The following RFC3 variants were observed in gnomAD, a reference collection of about 807,000 sequenced individuals.
The protein encoded by RFC3 is replication factor C subunit 3, also known as A1 38 kDa subunit.
Under a neutral mutation model 45.1 loss-of-function variants are expected in RFC3, and 41 were observed. That is an observed-to-expected ratio of 0.91 (90% CI 0.71 to 1.18). RFC3 has a LOEUF of 1.18. Ranked by LOEUF, RFC3 falls within the 50% of genes most tolerant of loss-of-function variation. The pLI, the probability that RFC3 is intolerant of heterozygous loss-of-function variation, is 0.00. For synonymous variants in RFC3, 149 were observed against 144.0 expected, an observed-to-expected ratio of 1.03 and a Z score of -0.25; for missense variants, 423 against 428.1, an observed-to-expected ratio of 0.99 and a Z score of 0.10.
chr13:33,872,696 G>C (rs1036701530), intron 8 of RFC3, among the ~76,000 whole-genome samples: 2 of 151,370 alleles, frequency 1.3e-5, no homozygotes, highest in Non-Finnish European at 2.9e-5. Flanking sequence ...TGGCACCACT[G>C]TACTCCAGGC....
chr13:33,893,988 C>A (rs948742501), intron 8 of RFC3, among the ~76,000 whole-genome samples: 10 of 152,026 alleles, frequency 6.6e-5, no homozygotes, highest in Non-Finnish European at 8.8e-5. Context: ...AAACAAAAAA[C>A]CCCAACTTTC....
intron 1 of RFC3, among the ~76,000 whole-genome samples, chr13:33,819,220 C>G (rs1478807275): frequency 6.6e-6 from 1 of 152,134 alleles, no homozygotes; most frequent in Non-Finnish European, 1.5e-5. Flanking sequence ...AAGATCCTCT[C>G]CCCTCTATCC....
chr13:33,972,114 C>T, the RFC3 span, among the ~76,000 whole-genome samples: 2 of 152,094 alleles, frequency 1.3e-5, no homozygotes, highest in Non-Finnish European at 2.9e-5. Context: ...GGACTCTGTC[C>T]TCACTAATAA....
intron 4 of RFC3, among the ~76,000 whole-genome samples, chr13:33,827,792 C>G (rs1200695605): frequency 6.6e-6 from 1 of 152,146 alleles, no homozygotes; most frequent in Non-Finnish European, 1.5e-5. Context: ...TGAAATTTGG[C>G]CATGATCCTT....
At chr13:33,925,754 T>A (rs1056469655) in intron 8 of RFC3, among the ~76,000 whole-genome samples, 2 of 151,152 alleles carry the variant, frequency 1.3e-5, no homozygotes, top group Non-Finnish European at 3.0e-5. Context: ...AAATAGAAAA[T>A]GATGATGTGG....
intron 8 of RFC3, among the ~76,000 whole-genome samples, chr13:33,951,039 CTTTTTTTTTT>C (rs926664684): frequency 6.6e-5 from 4 of 60,818 alleles, no homozygotes; most frequent in Admixed American, 2.3e-4. Flanking sequence ...TCTGATGGCT[CTTTTTTTTTT>C]TTTTTTTTTT....
intron 8 of RFC3, among the ~76,000 whole-genome samples, chr13:33,863,140 A>G (rs1462666229): frequency 1.3e-5 from 2 of 152,224 alleles, no homozygotes; most frequent in Admixed American, 1.3e-4. Flanking sequence ...TTCCAGTCAT[A>G]AAGTGCCTTT....
chr13:33,822,540 G>T (rs557763251), intron 2 of RFC3, among the ~76,000 whole-genome samples: 1 of 152,204 alleles, frequency 6.6e-6, no homozygotes, highest in African/African-American at 2.4e-5. Flanking sequence ...TATTATATTG[G>T]CATGAAAATA....
chr13:33,880,256 A>G (rs1160053989), intron 8 of RFC3, among the ~76,000 whole-genome samples: 1 of 152,262 alleles, frequency 6.6e-6, no homozygotes, highest in African/African-American at 2.4e-5. Flanking sequence ...ATGTTTATAT[A>G]AAAGACAACA....
intron 8 of RFC3, among the ~76,000 whole-genome samples, chr13:33,898,808 G>A (rs1321357960): frequency 2.0e-5 from 3 of 151,684 alleles, no homozygotes; most frequent in Admixed American, 1.3e-4. Flanking sequence ...AAATGAAAAA[G>A]GAGTCATAAA....
chr13:33,925,116 G>A (rs1383784812), intron 8 of RFC3, among the ~76,000 whole-genome samples: 1 of 147,762 alleles, frequency 6.8e-6, no homozygotes, highest in African/African-American at 2.5e-5. Flanking sequence ...CGCATATATA[G>A]TGTACATATA....
intron 8 of RFC3, among the ~76,000 whole-genome samples, chr13:33,835,866 G>T (rs1356513229): frequency 6.6e-6 from 1 of 152,084 alleles, no homozygotes; most frequent in East Asian, 1.9e-4. Flanking sequence ...CTTGCACTTT[G>T]TGCAGTTAAA....
intron 8 of RFC3, among the ~76,000 whole-genome samples, chr13:33,867,139 A>C (rs2082378782): frequency 6.6e-6 from 1 of 152,218 alleles, no homozygotes; most frequent in Non-Finnish European, 1.5e-5. Flanking sequence ...TCTCATCCCC[A>C]TCACTAGAAG....
chr13:33,974,762 A>G, the RFC3 span, among the ~76,000 whole-genome samples: 1 of 152,262 alleles, frequency 6.6e-6, no homozygotes, highest in Non-Finnish European at 1.5e-5. Flanking sequence ...AAGGTGCCAA[A>G]TAAACATATA....
chr13:33,821,334 A>G, intron 2 of RFC3, 65 bp downstream of exon 2: 4 of 1,486,672 alleles, frequency 2.7e-6, no homozygotes, highest in Non-Finnish European at 3.7e-6. Context: ...TTGGTCATGT[A>G]TGTCCCCCCA....
intron 8 of RFC3, among the ~76,000 whole-genome samples, chr13:33,913,737 C>T (rs936304379): frequency 6.6e-6 from 1 of 152,074 alleles, no homozygotes; most frequent in Non-Finnish European, 1.5e-5. Context: ...AGTGAGCCCT[C>T]AATCTCTGGT....
intron 8 of RFC3, among the ~76,000 whole-genome samples, chr13:33,859,204 C>T (rs536045130): frequency 1.3e-5 from 2 of 152,244 alleles, no homozygotes; most frequent in South Asian, 4.2e-4. Context: ...TTATAAAACT[C>T]GGAAGCTGAG....
chr13:33,959,989 AAG>A (rs1487508737), intron 8 of RFC3, among the ~76,000 whole-genome samples: 1 of 152,114 alleles, frequency 6.6e-6, no homozygotes, highest in Non-Finnish European at 1.5e-5. Flanking sequence ...AAGCAGGAGC[AAG>A]AGAGAGTGTC....
intron 8 of RFC3, among the ~76,000 whole-genome samples, chr13:33,897,507 G>T (rs1163253059): frequency 6.6e-6 from 1 of 151,898 alleles, no homozygotes; most frequent in Non-Finnish European, 1.5e-5. Context: ...AAGAAAAAAA[G>T]AAAGGAGTTA....
Sources: allele counts gnomAD v4.1 joint callset (sites outside exome capture counted in the v4.1 genomes callset), GRCh38; gene constraint gnomAD v4.1.1; transcripts MANE v1.5; gene names NCBI Gene and HGNC (gene_info 2026-07-23, HGNC 2026-07-21).